The following NCALD variants were observed in gnomAD, a reference collection of about 807,000 sequenced individuals.
NCALD encodes neurocalcin-delta.
In NCALD, 10 loss-of-function variants were observed where a neutral mutation model predicts 18.6. The ratio of observed to expected loss-of-function variants is 0.54; its 90% CI spans 0.33 to 0.91. NCALD has a LOEUF of 0.91. Ranked by LOEUF, NCALD falls within the 40% of genes least tolerant of loss-of-function variation. The pLI is 0.03. For synonymous variants in NCALD, 88 were observed against 87.4 expected (o/e 1.01, Z -0.04); for missense variants, 184 against 247.6 (o/e 0.74, Z 1.72).
chr8:101,902,152 C>T (rs957391317), intron 3 of NCALD, among the ~76,000 whole-genome samples: 10 of 151,868 alleles, frequency 6.6e-5, no homozygotes, highest in Admixed American at 5.2e-4. Context: ...TCCGTGCCCT[C>T]TTTTTTTTCT....
At chr8:102,103,859 A>T (rs915542821) in intron 1 of NCALD, among the ~76,000 whole-genome samples, 1 of 152,244 alleles carries the variant, frequency 6.6e-6, no homozygotes, top group South Asian at 2.1e-4. Context: ...TCCCTTAAAT[A>T]CAAGTTTTTA....
chr8:102,044,413 G>A (rs1182829231), intron 1 of NCALD, among the ~76,000 whole-genome samples: 1 of 149,718 alleles, frequency 6.7e-6, no homozygotes, highest in East Asian at 1.9e-4. Context: ...TGAGAAGGGT[G>A]AGGCCATATT....
intron 2 of NCALD, among the ~76,000 whole-genome samples, chr8:101,922,654 G>A (rs559229972): frequency 8.6e-4 from 131 of 152,232 alleles, no homozygotes; most frequent in African/African-American, 3.0e-3. Flanking sequence ...GTGTTGAAAC[G>A]TAGTATCTCC....
chr8:101,954,615 G>C (rs1379909417), intron 2 of NCALD, among the ~76,000 whole-genome samples: 2 of 152,204 alleles, frequency 1.3e-5, no homozygotes, highest in Non-Finnish European at 2.9e-5. Flanking sequence ...AAAGAGGAGA[G>C]AGAGGAGAGG....
chr8:101,921,694 T>C (rs1362604287), intron 2 of NCALD, among the ~76,000 whole-genome samples: 1 of 152,224 alleles, frequency 6.6e-6, no homozygotes, highest in African/African-American at 2.4e-5. Context: ...CCACAAATTA[T>C]AGCTATTAAT....
intron 4 of NCALD, among the ~76,000 whole-genome samples, chr8:101,827,278 T>C (rs936686950): frequency 1.3e-5 from 2 of 152,214 alleles, no homozygotes; most frequent in African/African-American, 4.8e-5. Flanking sequence ...CACGTGATTG[T>C]ATTTTGGGCC....
chr8:101,793,138 C>T (rs765666146), upstream of NCALD, among the ~76,000 whole-genome samples: 6 of 152,098 alleles, frequency 3.9e-5, no homozygotes, highest in Non-Finnish European at 8.8e-5. Context: ...ATCACAAGGT[C>T]AGGAGATCAA....
At chr8:102,009,221 C>A (rs1821821041) in intron 2 of NCALD, among the ~76,000 whole-genome samples, 1 of 152,198 alleles carries the variant, frequency 6.6e-6, no homozygotes, top group Non-Finnish European at 1.5e-5. Flanking sequence ...AGGCAAAAAG[C>A]TGGTGGTCCA....
At chr8:101,713,897 T>C (rs1029026059) in intron 2 of NCALD, among the ~76,000 whole-genome samples, 7 of 151,780 alleles carry the variant, frequency 4.6e-5, no homozygotes, top group African/African-American at 1.2e-4. Context: ...TTCCAAACAA[T>C]AGAAAAAGAG....
chr8:102,012,808 C>T (rs1821951621), intron 2 of NCALD, among the ~76,000 whole-genome samples: 1 of 152,150 alleles, frequency 6.6e-6, no homozygotes, highest in African/African-American at 2.4e-5. Flanking sequence ...TTTAAAAGGG[C>T]TTCAGGACTG....
At chr8:101,721,699 C>T (rs1438936131) in intron 1 of NCALD, among the ~76,000 whole-genome samples, 1 of 152,074 alleles carries the variant, frequency 6.6e-6, no homozygotes, top group Admixed American at 6.6e-5. Flanking sequence ...TCATTCATTG[C>T]CAAGTTTATT....
At chr8:102,039,497 T>C (rs1822978673) in intron 1 of NCALD, among the ~76,000 whole-genome samples, 1 of 152,194 alleles carries the variant, frequency 6.6e-6, no homozygotes, top group Non-Finnish European at 1.5e-5. Flanking sequence ...AACTTTCATA[T>C]ACAATCTCAT....
intron 1 of NCALD, among the ~76,000 whole-genome samples, chr8:102,027,322 A>C (rs1210705222): frequency 6.6e-6 from 1 of 152,164 alleles, no homozygotes; most frequent in Non-Finnish European, 1.5e-5. Flanking sequence ...GCCACTTAGA[A>C]ATTTCTTCTG....
At chr8:101,919,646 A>C (rs1818093810) in intron 2 of NCALD, among the ~76,000 whole-genome samples, 1 of 152,148 alleles carries the variant, frequency 6.6e-6, no homozygotes, top group African/African-American at 2.4e-5. Flanking sequence ...CAAAGCTCTA[A>C]TATCCAGAAT....
intron 1 of NCALD, among the ~76,000 whole-genome samples, chr8:102,053,526 G>A (rs1190698251): frequency 1.3e-5 from 2 of 152,044 alleles, no homozygotes; most frequent in Non-Finnish European, 2.9e-5. Flanking sequence ...AGCTTTGTGA[G>A]GCCACTCATT....
chr8:101,970,454 A>G (rs1287034588), intron 2 of NCALD, among the ~76,000 whole-genome samples: 1 of 152,086 alleles, frequency 6.6e-6, no homozygotes, highest in Non-Finnish European at 1.5e-5. Context: ...CTACCATCAA[A>G]AGAGTCTGAA....
At chr8:102,054,670 A>G (rs1823575145) in intron 1 of NCALD, among the ~76,000 whole-genome samples, 1 of 90,288 alleles carries the variant, frequency 1.1e-5, no homozygotes, top group Non-Finnish European at 2.3e-5. Context: ...CGATAGATAG[A>G]TAGATAGATA....
intron 2 of NCALD, among the ~76,000 whole-genome samples, chr8:101,712,955 C>T (rs947272799): frequency 6.6e-6 from 1 of 152,164 alleles, no homozygotes; most frequent in Non-Finnish European, 1.5e-5. Context: ...GAACTCTACA[C>T]CCCAAATCAA....
At chr8:102,002,423 T>G (rs556995051) in intron 2 of NCALD, among the ~76,000 whole-genome samples, 2 of 152,082 alleles carry the variant, frequency 1.3e-5, no homozygotes, top group East Asian at 3.9e-4. Context: ...CACACAATAA[T>G]AATGGGAGAC....
Sources: gnomAD v4.1 joint callset for allele counts (sites outside exome capture counted in the v4.1 genomes callset) on GRCh38, gnomAD v4.1.1 for gene constraint, MANE v1.5 for transcripts, NCBI Gene and HGNC (gene_info 2026-07-23, HGNC 2026-07-21) for gene names.